MAML3: variants seen among roughly 807,000 people sequenced by gnomAD.
The protein encoded by MAML3 is mastermind like transcriptional coactivator 3, also known as mastermind-like protein 3.
A neutral mutation model predicts 101.9 loss-of-function variants in MAML3; 27 were observed. The observed-to-expected ratio is 0.27, with a 90% CI of 0.20 to 0.37. MAML3 has a LOEUF of 0.37. Among genes scored for constraint, MAML3 ranks in the 10% least tolerant of loss-of-function variants. The pLI is 1.00. For synonymous variants in MAML3, 501 were observed against 555.9 expected, an observed-to-expected ratio of 0.90 and a Z score of 1.39; for missense variants, 1,316 against 1,444.9, an observed-to-expected ratio of 0.91 and a Z score of 1.45.
intron 1 of MAML3, among the ~76,000 whole-genome samples, chr4:140,133,592 G>GT (rs138692133): frequency 0.032 from 4,866 of 151,620 alleles, 226 homozygotes; most frequent in African/African-American, 0.11. Context: ...GGAGGGGCAA[G>GT]TTTTTTTTTA....
intron 2 of MAML3, chr4:139,794,100 AG>A (rs1730469383): frequency 6.6e-6 from 1 of 152,260 alleles, no homozygotes; most frequent in Non-Finnish European, 1.5e-5. Flanking sequence ...CATTATCAAA[AG>A]AAGATTACAC....
intron 1 of MAML3, among the ~76,000 whole-genome samples, chr4:140,121,864 G>A (rs1160540757): frequency 6.6e-6 from 1 of 152,302 alleles, no homozygotes; most frequent in Non-Finnish European, 1.5e-5. Context: ...TGTCATGGGA[G>A]GGACCCAGTG....
At chr4:139,847,665 T>G (rs529816980) in intron 2 of MAML3, among the ~76,000 whole-genome samples, 1 of 152,236 alleles carries the variant, frequency 6.6e-6, no homozygotes, top group African/African-American at 2.4e-5. Context: ...AAATACTTTC[T>G]AGCTATGCCC....
At chr4:139,803,507 T>C (rs980282890) in intron 2 of MAML3, among the ~76,000 whole-genome samples, 3 of 152,184 alleles carry the variant, frequency 2.0e-5, no homozygotes, top group Admixed American at 6.5e-5. Flanking sequence ...TTGGGAGATG[T>C]GTAAGTTAAT....
intron 1 of MAML3, among the ~76,000 whole-genome samples, chr4:140,120,281 A>G (rs1246816327): frequency 6.6e-6 from 1 of 151,758 alleles, no homozygotes; most frequent in African/African-American, 2.4e-5. Flanking sequence ...GACACCTACA[A>G]TGTGAATCTG....
chr4:140,041,175 G>A (rs1727079679), intron 1 of MAML3, among the ~76,000 whole-genome samples: 1 of 152,064 alleles, frequency 6.6e-6, no homozygotes, highest in Non-Finnish European at 1.5e-5. Flanking sequence ...CTGAATTTTT[G>A]AGAGGTAAAT....
intron 1 of MAML3, among the ~76,000 whole-genome samples, chr4:139,927,877 T>C (rs1254660416): frequency 6.6e-6 from 1 of 152,206 alleles, no homozygotes; most frequent in African/African-American, 2.4e-5. Context: ...TGGAATCAAC[T>C]GCTTGCTAGG....
At chr4:139,972,276 C>T (rs1465008399) in intron 1 of MAML3, among the ~76,000 whole-genome samples, 1 of 152,174 alleles carries the variant, frequency 6.6e-6, no homozygotes, top group African/African-American at 2.4e-5. Context: ...ATTAAGGAAC[C>T]AAATAAATCT....
In MAML3 at chr4:139,890,276, G is replaced by A. The variant is rs1411306009; in HGVS notation, c.1160C>T (p.Thr387Ile). The change falls in exon 2 of 5, where the codon ACT (threonine) becomes ATT (isoleucine). Residue 387 changes from threonine to isoleucine, a missense_variant. Transcript: ENST00000509479. The surrounding 1 kb of genome is among the most constrained non-coding windows in gnomAD (Gnocchi z 4.1). ...AGGTAAACTAGTGGCCGTGGAGACA[G>A]TAGAAAAGGGAGGACCAGAAGAAGA... ...RPSSSGPPFS[T>I]VSTATSLPSV... 1 of 1,613,952 alleles carries A rather than the reference G, an allele frequency of 6.2e-7. No homozygotes were observed. Among genetic ancestry groups the A allele is most frequent in the Non-Finnish European group, 8.5e-7 (1 of 1,179,884 alleles).
At chr4:139,792,932 G>C (rs1021193049) in intron 2 of MAML3, among the ~76,000 whole-genome samples, 1 of 151,980 alleles carries the variant, frequency 6.6e-6, no homozygotes, top group Non-Finnish European at 1.5e-5. Flanking sequence ...ATTTTTAGTA[G>C]AGACGGGGTT....
At chr4:139,977,570 T>G (rs1248924313) in intron 1 of MAML3, among the ~76,000 whole-genome samples, 1 of 152,098 alleles carries the variant, frequency 6.6e-6, no homozygotes, top group Non-Finnish European at 1.5e-5. Flanking sequence ...AGTCTCCAGA[T>G]AAGAATTAAA....
chr4:139,985,612 C>T (rs1015866508), intron 1 of MAML3, among the ~76,000 whole-genome samples: 2 of 152,118 alleles, frequency 1.3e-5, no homozygotes, highest in African/African-American at 4.8e-5. Context: ...GCTAAGTAGC[C>T]CCAAATAAGG....
chr4:139,858,610 A>G (rs972721059), intron 2 of MAML3, among the ~76,000 whole-genome samples: 2 of 152,146 alleles, frequency 1.3e-5, no homozygotes, highest in Non-Finnish European at 2.9e-5. Flanking sequence ...ATACTCAGTA[A>G]AAATCACTGA....
At position 139,762,160 on chromosome 4, in the gene MAML3, T is replaced by C. The variant is rs116249024; in HGVS notation, c.2080-31493A>G. On this transcript the variant is annotated intron_variant, in intron 2 of 4. Transcript: ENST00000509479. ...TAGAAAATATTTGTGCAATTGTATG[T>C]TTCATTACCATGCATGTCCTCTGTT... is the stretch of plus-strand genomic sequence containing the variant. Among the ~76,000 whole-genome samples, 183 of 152,302 alleles carry C rather than the reference T, an allele frequency of 1.2e-3. 1 individual carries two copies. Among genetic ancestry groups the C allele is most frequent in the African/African-American group, 4.3e-3 (178 of 41,552 alleles).
chr4:140,122,388 C>T (rs1728620889), intron 1 of MAML3, among the ~76,000 whole-genome samples: 1 of 151,944 alleles, frequency 6.6e-6, no homozygotes, highest in Admixed American at 6.5e-5. Flanking sequence ...ACCCAGCTAA[C>T]TTTTCATATC....
At chr4:140,151,614 C>A (rs1729169160) in intron 1 of MAML3, among the ~76,000 whole-genome samples, 1 of 151,484 alleles carries the variant, frequency 6.6e-6, no homozygotes, top group Non-Finnish European at 1.5e-5. Flanking sequence ...GCACGGGAAA[C>A]AGGCGAAGGC....
chr4:139,941,666 A>C (rs1245996346), intron 1 of MAML3, among the ~76,000 whole-genome samples: 1 of 152,130 alleles, frequency 6.6e-6, no homozygotes, highest in Non-Finnish European at 1.5e-5. Context: ...GTATGTGTGC[A>C]AGCATATGTT....
intron 2 of MAML3, among the ~76,000 whole-genome samples, chr4:139,859,091 T>A (rs1172066980): frequency 6.6e-6 from 1 of 152,000 alleles, no homozygotes; most frequent in African/African-American, 2.4e-5. Context: ...AAAACCACAC[T>A]CAAAAGCACC....
At chr4:139,952,499 C>T (rs1395792190) in intron 1 of MAML3, among the ~76,000 whole-genome samples, 1 of 152,130 alleles carries the variant, frequency 6.6e-6, no homozygotes, top group Non-Finnish European at 1.5e-5. Flanking sequence ...AAATCCCTAC[C>T]AACCTCGGAC....
Sources: gnomAD v4.1 joint callset for allele counts (sites outside exome capture counted in the v4.1 genomes callset) on GRCh38, gnomAD v4.1.1 for gene constraint, Gnocchi (gnomAD v3.1) non-coding constraint, MANE v1.5 for transcripts, NCBI Gene and HGNC (gene_info 2026-07-23, HGNC 2026-07-21) for gene names.